The following OR6C4 variants were observed in gnomAD, a reference collection of about 807,000 sequenced individuals.
OR6C4 encodes the protein olfactory receptor family 6 subfamily C member 4.
OR6C4 carries 20 observed loss-of-function variants against 15.1 expected under a neutral mutation model. The observed-to-expected ratio is 1.32, with a 90% confidence interval of 0.93 to 1.92. The LOEUF is 1.92. Ranked by LOEUF, OR6C4 falls within the 30% of genes most tolerant of loss-of-function variation. The probability of loss-of-function intolerance (pLI) is 0.00; values close to 1 mark genes in which losing one functional copy is unlikely to be tolerated. For synonymous variants in OR6C4, 179 were observed against 134.2 expected, an observed-to-expected ratio of 1.33 and a Z score of -2.31; for missense variants, 491 against 363.2, an observed-to-expected ratio of 1.35 and a Z score of -2.86.
chr12:55,551,543 G>C lies in OR6C4; in HGVS notation c.317G>C (p.Gly106Ala), dbSNP rs763506814. 4 of 1,613,798 alleles carry C rather than the reference G, an allele frequency of 2.5e-6. No individual in the cohort carries two copies. The highest frequency in any genetic ancestry group is 2.7e-5 in the African/African-American group (2 of 74,988). ...CAGTATTTTTTTGCTATATTTCTTGGAGCTACCGAGTTTTACCTCCTGGCC... is the reference window on the plus strand; with the variant it reads ...CAGTATTTTTTTGCTATATTTCTTGCAGCTACCGAGTTTTACCTCCTGGCC... ...LTQYFFAIFL[G>A]ATEFYLLASM... Residue 106 changes from glycine to alanine, a missense_variant, in exon 2 of 2, where the codon GGA becomes GCA. Physicochemically the swap from Gly to Ala is moderately conservative, Grantham distance 60. Coordinates refer to ENST00000641569, the MANE Select transcript of OR6C4 (RefSeq NM_001005494.2).
chr12:55,551,953 A>G lies in OR6C4; in HGVS notation c.727A>G (p.Met243Val). The change falls in exon 2 of 2, where the codon ATG (methionine) becomes GTG (valine). Residue 243 changes from methionine (M) to valine (V), a missense_variant. Met to Val is a conservative substitution (Grantham distance 21). Coordinates refer to ENST00000641569, the MANE Select transcript of OR6C4 (RefSeq NM_001005494.2). ...GGCCTTTTCCACTTGTTCCTCCCACATGATTGTCATCTCCCTCTCTTATGG... is the reference window on the plus strand; with the variant it reads ...GGCCTTTTCCACTTGTTCCTCCCACGTGATTGTCATCTCCCTCTCTTATGG... ...TKAFSTCSSH[M>V]IVISLSYGSC... 1.2e-6 allele frequency: 2 copies of G among 1,613,820 alleles called. No homozygotes were observed. Among genetic ancestry groups the G allele is most frequent in the Non-Finnish European group, 1.7e-6 (2 of 1,179,878 alleles).
At position 55,552,253 on chromosome 12, in the gene OR6C4, G is replaced by C. The variant is rs373730531; in HGVS notation, c.*97G>C. ...AAATTGGCCCTTGAAGATTAAAATA[G>C]GAAAAGTATATGTCTTAATTTCAAG... is the stretch of plus-strand genomic sequence containing the variant. On this transcript the variant is annotated 3_prime_UTR_variant, in exon 2 of 2. Transcript: ENST00000641569. The C allele has an allele frequency of 6.7e-6, 5 of 742,198 alleles. No homozygotes were observed. Among genetic ancestry groups the C allele is most frequent in the African/African-American group, 3.6e-5 (2 of 55,154 alleles). The allele number at this position is 742,198 out of a possible 1,614,324, so 46.0% of individuals were successfully genotyped here. A position where few individuals can be genotyped will look rare whatever the true frequency, so the allele number is the denominator to read the frequency against.
At position 55,553,069 on chromosome 12, in the gene OR6C4, C is replaced by G. The variant is rs1873919871; in HGVS notation, c.*913C>G. Reference sequence around the variant, plus strand: ...CTGGCTCTACTTCTTTAACTTTCCCCCAGATTTTTGCTTTCGTTTGTAACA... The same window carrying G: ...CTGGCTCTACTTCTTTAACTTTCCCGCAGATTTTTGCTTTCGTTTGTAACA... On this transcript the variant is annotated 3_prime_UTR_variant, in exon 2 of 2. Transcript: ENST00000641569. The G allele has an allele frequency of 6.6e-6, 1 of 151,912 alleles. No homozygotes were observed. The highest frequency in any genetic ancestry group is 2.1e-4 in the South Asian group (1 of 4,818). 9.4% of individuals were successfully genotyped at this position (151,912 alleles called of 1,614,324 possible).
At position 55,553,088 on chromosome 12, in the gene OR6C4, T is replaced by G. The variant is rs930754228; in HGVS notation, c.*932T>G. The G allele has an allele frequency of 1.3e-5, 2 of 152,134 alleles. No individual in the cohort carries two copies. Among genetic ancestry groups the G allele is most frequent in the Non-Finnish European group, 2.9e-5 (2 of 67,980 alleles). The allele number at this position is 152,134 out of a possible 1,614,324, so 9.4% of individuals were successfully genotyped here. On this transcript the variant is annotated 3_prime_UTR_variant, in exon 2 of 2. Coordinates refer to ENST00000641569, the MANE Select transcript of OR6C4 (RefSeq NM_001005494.2). ...TTTCCCCCAGATTTTTGCTTTCGTT[T>G]GTAACATAAACCATGGATGACCATT...
rs1289191033 is a variant in OR6C4, at chr12:55,554,147, G to T, written c.*1991G>T. ...CACACATCCAGCTGCATGCTGGGTA[G>T]CTGGGTCAGCAAAGATCTTACCTAC... On this transcript the variant is annotated 3_prime_UTR_variant, in exon 2 of 2. Transcript: ENST00000641569. The T allele has an allele frequency of 3.3e-5, 5 of 152,272 alleles. No individual in the cohort carries two copies. The East Asian group carries it at 9.7e-4, about 29-fold the overall frequency. The allele number at this position is 152,272 out of a possible 1,614,324, so 9.4% of individuals were successfully genotyped here.
rs1008950888 is a variant in OR6C4, at chr12:55,552,515, G to C, written c.*359G>C. The C allele has an allele frequency of 2.3e-5, 4 of 172,464 alleles. No individual in the cohort carries two copies. Among genetic ancestry groups the C allele is most frequent in the African/African-American group, 7.2e-5 (3 of 41,648 alleles). The allele number at this position is 172,464 out of a possible 1,614,324, so 10.7% of individuals were successfully genotyped here. On this transcript the variant is annotated 3_prime_UTR_variant, in exon 2 of 2. Coordinates refer to ENST00000641569, the MANE Select transcript of OR6C4 (RefSeq NM_001005494.2). ...GAATTTAGAGTGAAAAAGGAAACCA[G>C]ATCATAAAAGTAAGTAATTACAACT...
chr12:55,554,883 G>A lies in OR6C4; in HGVS notation c.*2727G>A, dbSNP rs928376353. ...TTTTTAATTTTTTTTATTTCAGCCA[G>A]GATCAGTGACTCACACTTCTAATCC... On this transcript the variant is annotated 3_prime_UTR_variant, in exon 2 of 2. Transcript: ENST00000641569. 1 of 152,028 alleles carries A rather than the reference G, an allele frequency of 6.6e-6. No individual in the cohort carries two copies. Among genetic ancestry groups the A allele is most frequent in the African/African-American group, 2.4e-5 (1 of 41,384 alleles). 9.4% of individuals were successfully genotyped at this position (152,028 alleles called of 1,614,324 possible).
rs1367986705 is a variant in OR6C4, at chr12:55,551,756, G to C, written c.530G>C (p.Cys177Ser). ...CVSNILNHYY[C>S]DYGPLVELAC... ...TCCAACATTCTGAATCACTATTACTGTGACTATGGGCCTCTCGTGGAGCTT... is the reference window on the plus strand; with the variant it reads ...TCCAACATTCTGAATCACTATTACTCTGACTATGGGCCTCTCGTGGAGCTT... The change falls in exon 2 of 2, where the codon TGT (cysteine) becomes TCT (serine). Residue 177 changes from cysteine to serine, a missense_variant. Physicochemically the swap from Cys to Ser is moderately radical, Grantham distance 112. Coordinates refer to ENST00000641569, the MANE Select transcript of OR6C4 (RefSeq NM_001005494.2). 5 of 1,613,738 alleles carry C rather than the reference G, an allele frequency of 3.1e-6. No homozygotes were observed. Among genetic ancestry groups the C allele is most frequent in the East Asian group, 2.2e-5 (1 of 44,884 alleles).
At position 55,553,121 on chromosome 12, in the gene OR6C4, G is replaced by A. The variant is rs1426939732; in HGVS notation, c.*965G>A. 1 of 151,974 alleles carries A rather than the reference G, an allele frequency of 6.6e-6. No individual in the cohort carries two copies. Among genetic ancestry groups the A allele is most frequent in the African/African-American group, 2.4e-5 (1 of 41,404 alleles). 9.4% of individuals were successfully genotyped at this position (151,974 alleles called of 1,614,324 possible). ...AAACCATGGATGACCATTTTATAAA[G>A]TAAAAAGAATATAAAGTGTCAATGC... On this transcript the variant is annotated 3_prime_UTR_variant, in exon 2 of 2. Coordinates refer to ENST00000641569, the MANE Select transcript of OR6C4 (RefSeq NM_001005494.2).
intron 1 of OR6C4, among the ~76,000 whole-genome samples, chr12:55,550,779 G>C (rs538650862): frequency 2.6e-5 from 4 of 152,218 alleles, no homozygotes; most frequent in Admixed American, 1.3e-4. Flanking sequence ...GCATCAAATA[G>C]TGCAGAGAAA....
In OR6C4 at chr12:55,553,038, T is replaced by C. The variant is rs999738685; in HGVS notation, c.*882T>C. ...TATTAGATATTAGAAAAGAAAATTCTGTTATCTGGCTCTACTTCTTTAACT... is the reference window on the plus strand; with the variant it reads ...TATTAGATATTAGAAAAGAAAATTCCGTTATCTGGCTCTACTTCTTTAACT... On this transcript the variant is annotated 3_prime_UTR_variant, in exon 2 of 2. Transcript: ENST00000641569. 6.6e-6 allele frequency: 1 copy of C among 152,118 alleles called. No homozygotes were observed. The highest frequency in any genetic ancestry group is 2.4e-5 in the African/African-American group (1 of 41,460). 9.4% of individuals were successfully genotyped at this position (152,118 alleles called of 1,614,324 possible). A position where few individuals can be genotyped will look rare whatever the true frequency, so the allele number is the denominator to read the frequency against.
chr12:55,553,305 T>A lies in OR6C4; in HGVS notation c.*1149T>A, dbSNP rs991258781. 1.3e-5 allele frequency: 2 copies of A among 152,160 alleles called. No homozygotes were observed. Among genetic ancestry groups the A allele is most frequent in the Admixed American group, 6.6e-5 (1 of 15,254 alleles). 9.4% of individuals were successfully genotyped at this position (152,160 alleles called of 1,614,324 possible). A position where few individuals can be genotyped will look rare whatever the true frequency, so the allele number is the denominator to read the frequency against. ...TTCAATGGAAGTAAGCACTTTTTTT[T>A]AATCTGAGCATTTGTACACAGTTTA... On this transcript the variant is annotated 3_prime_UTR_variant, in exon 2 of 2. Transcript: ENST00000641569.
chr12:55,552,104 A>G lies in OR6C4; in HGVS notation c.878A>G (p.Gln293Arg), dbSNP rs770835665. 1.7e-5 allele frequency: 28 copies of G among 1,608,738 alleles called. No homozygotes were observed. Among genetic ancestry groups the G allele is most frequent in the Non-Finnish European group, 2.1e-5 (25 of 1,178,816 alleles). Residue 293 changes from glutamine to arginine, a missense_variant, in exon 2 of 2, where the codon CAG becomes CGG. Transcript: ENST00000641569. Reference sequence around the variant, plus strand: ...CCCTTCATATATACTTTAAGAAATCAGCAAGTGAAACAAGCTTTCAAGGAC... The same window carrying G: ...CCCTTCATATATACTTTAAGAAATCGGCAAGTGAAACAAGCTTTCAAGGAC... The part of the protein sequence containing the change: ...LNPFIYTLRN[Q>R]QVKQAFKDSV...
chr12:55,554,465 C>G lies in OR6C4; in HGVS notation c.*2309C>G, dbSNP rs1231790893. ...TTCTAAAGCTGTTCATCTAGTCTGG[C>G]TGTATGTTAATTCATACTTGGAATG... On this transcript the variant is annotated 3_prime_UTR_variant, in exon 2 of 2. Transcript: ENST00000641569. The G allele has an allele frequency of 6.6e-6, 1 of 151,580 alleles. No homozygotes were observed. The highest frequency in any genetic ancestry group is 6.6e-5 in the Admixed American group (1 of 15,226). The allele number at this position is 151,580 out of a possible 1,614,324, so 9.4% of individuals were successfully genotyped here.
Position 55,551,480 on chromosome 12 carries a change from C to T in OR6C4, c.254C>T (p.Thr85Ile). ...CCCAGATTTCTGACCAGCATGACAA[C>T]AGGAAATAAAGTTATCAGCTTTGCT... is the stretch of plus-strand genomic sequence containing the variant. ...FIPRFLTSMT[T>I]GNKVISFAGC... The change falls in exon 2 of 2, where the codon ACA (threonine) becomes ATA (isoleucine). Residue 85 changes from threonine (T) to isoleucine (I), a missense_variant. Transcript: ENST00000641569. The T allele has an allele frequency of 6.2e-7, 1 of 1,613,868 alleles. No individual in the cohort carries two copies. Among genetic ancestry groups the T allele is most frequent in the Non-Finnish European group, 8.5e-7 (1 of 1,179,922 alleles).
chr12:55,550,471 G>T (rs1363391455), intron 1 of OR6C4, among the ~76,000 whole-genome samples: 1 of 152,122 alleles, frequency 6.6e-6, no homozygotes, highest in Non-Finnish European at 1.5e-5. Context: ...GGGACTCTAA[G>T]ACTGAGAAAA....
Position 55,552,119 on chromosome 12 carries a change from CT to C in OR6C4, c.896del (p.Phe299SerfsTer9), listed in dbSNP as rs774167054. ...YTLRNQQVKQ[A>X]FKDSVKKIVK... The stretch of plus-strand genomic sequence containing the variant: ...TTAAGAAATCAGCAAGTGAAACAAG[CT>C]TTCAAGGACTCAGTCAAAAAGATTG... On this transcript the variant is annotated frameshift_variant, in exon 2 of 2. Coordinates refer to ENST00000641569, the MANE Select transcript of OR6C4 (RefSeq NM_001005494.2). LOFTEE classifies it high-confidence loss of function. The C allele has an allele frequency of 6.2e-7, 1 of 1,604,376 alleles. No homozygotes were observed. Among genetic ancestry groups the C allele is most frequent in the Non-Finnish European group, 8.5e-7 (1 of 1,177,716 alleles).
intron 1 of OR6C4, among the ~76,000 whole-genome samples, chr12:55,551,007 A>T (rs962986717): frequency 3.9e-5 from 6 of 152,224 alleles, no homozygotes; most frequent in African/African-American, 1.4e-4. Flanking sequence ...GCCCAGGAAC[A>T]GGTCAACTTG....
At position 55,551,784 on chromosome 12, in the gene OR6C4, C is replaced by T; in HGVS notation, c.558C>T (p.Ala186=). The change falls in exon 2 of 2, where the codon GCC becomes GCT. Residue 186 remains alanine (A), a synonymous_variant. Coordinates refer to ENST00000641569, the MANE Select transcript of OR6C4 (RefSeq NM_001005494.2). ...ACTATGGGCCTCTCGTGGAGCTTGCCTGCTCAGACACAAGCCTCTTAGAAC... is the reference window on the plus strand; with the variant it reads ...ACTATGGGCCTCTCGTGGAGCTTGCTTGCTCAGACACAAGCCTCTTAGAAC... ...YCDYGPLVEL[A]CSDTSLLELM... is the part of the protein sequence containing the mutation. 1.9e-6 allele frequency: 3 copies of T among 1,612,546 alleles called. No individual in the cohort carries two copies. The highest frequency in any genetic ancestry group is 2.5e-6 in the Non-Finnish European group (3 of 1,179,928).
Sources: allele counts gnomAD v4.1 joint callset (sites outside exome capture counted in the v4.1 genomes callset), GRCh38; gene constraint gnomAD v4.1.1; transcripts MANE v1.5; gene names NCBI Gene and HGNC (gene_info 2026-07-23, HGNC 2026-07-21).